SDK1: variants seen among roughly 807,000 people sequenced by gnomAD.
SDK1 encodes protein sidekick-1.
In SDK1, 157 loss-of-function variants were observed where a neutral mutation model predicts 245.5. The observed-to-expected ratio is 0.64, with a 90% CI of 0.56 to 0.73. SDK1 has a LOEUF of 0.73. Ranked by LOEUF, SDK1 falls within the 30% of genes least tolerant of loss-of-function variation. The pLI, the probability that SDK1 is intolerant of heterozygous loss-of-function variation, is 0.00. For synonymous variants in SDK1, 1,647 were observed against 1,278.5 expected (o/e 1.29, Z -6.15); for missense variants, 3,583 against 3,002.3 (o/e 1.19, Z -4.52).
intron 15 of SDK1, 63 bp from the exon 16 acceptor site, chr7:4,012,032 C>T: frequency 7.6e-7 from 1 of 1,315,796 alleles, no homozygotes; most frequent in Non-Finnish European, 9.9e-7. Context: ...AGATGAAATG[C>T]AAATGGGCCC....
chr7:4,039,272 T>G (rs1333720757), intron 17 of SDK1, among the ~76,000 whole-genome samples: 1 of 151,806 alleles, frequency 6.6e-6, no homozygotes, highest in South Asian at 2.1e-4. Context: ...CAGCACGTTG[T>G]GCACATGTAC....
At chr7:3,453,069 C>G (rs1310352331) in intron 1 of SDK1, among the ~76,000 whole-genome samples, 5 of 152,164 alleles carry the variant, frequency 3.3e-5, no homozygotes, top group African/African-American at 1.2e-4. Flanking sequence ...AGAGTGGACC[C>G]TGTGTCACAG....
chr7:4,078,435 G>C (rs142446056), intron 21 of SDK1, among the ~76,000 whole-genome samples: 6 of 152,228 alleles, frequency 3.9e-5, no homozygotes, highest in African/African-American at 1.4e-4. Context: ...TTAAAAACTA[G>C]ATGTGGAAAG....
At chr7:3,574,755 C>T (rs372589544) in intron 1 of SDK1, among the ~76,000 whole-genome samples, 14 of 152,072 alleles carry the variant, frequency 9.2e-5, no homozygotes, top group African/African-American at 3.1e-4. Flanking sequence ...TTTAAAGTTA[C>T]GAAACAAACC....
Position 4,079,375 on chromosome 7 carries a change from G to C in SDK1, c.3203-88G>C, listed in dbSNP as rs1341542560. The C allele has an allele frequency of 5.3e-6, 8 of 1,495,330 alleles. No homozygotes were observed. The East Asian group carries it at 1.6e-4, about 30-fold the overall frequency. The allele number at this position is 1,495,330 out of a possible 1,614,324, so 92.6% of individuals were successfully genotyped here. ...TTTGGTATAGAATCGTTTTGAAACTGTTTACTTTTGAAGCTGACACGTTTG... is the reference window on the plus strand; with the variant it reads ...TTTGGTATAGAATCGTTTTGAAACTCTTTACTTTTGAAGCTGACACGTTTG... On this transcript the variant is annotated intron_variant, in intron 21 of 44. Coordinates refer to ENST00000404826, the MANE Select transcript of SDK1 (RefSeq NM_152744.4).
chr7:3,574,957 C>T (rs996236771), intron 1 of SDK1, among the ~76,000 whole-genome samples: 4 of 151,968 alleles, frequency 2.6e-5, no homozygotes, highest in Admixed American at 1.3e-4. Flanking sequence ...CTGTGAAGTA[C>T]GGGTAGTCAT....
At chr7:3,505,279 C>G (rs1443705490) in intron 1 of SDK1, among the ~76,000 whole-genome samples, 1 of 152,148 alleles carries the variant, frequency 6.6e-6, no homozygotes, top group Non-Finnish European at 1.5e-5. Flanking sequence ...CTGGGTTTCA[C>G]TCTGTCACCC....
chr7:3,530,745 A>G (rs886637297), intron 1 of SDK1, among the ~76,000 whole-genome samples: 1 of 152,216 alleles, frequency 6.6e-6, no homozygotes, highest in Non-Finnish European at 1.5e-5. Flanking sequence ...GCTAAATGCA[A>G]ACACAGAATA....
intron 4 of SDK1, among the ~76,000 whole-genome samples, chr7:3,777,228 G>A (rs1337398017): frequency 1.3e-5 from 2 of 152,190 alleles, no homozygotes; most frequent in Non-Finnish European, 2.9e-5. Flanking sequence ...TGTGCAGAAC[G>A]CGAGTTTGAT....
rs576457248 is a variant in SDK1, at chr7:3,335,155, C to T, written c.298+33271C>T. On this transcript the variant is annotated intron_variant, in intron 1 of 44. Transcript: ENST00000404826. ...GGCCCTAACTTTTAACTTCTGTATC[C>T]AGTTGCCAGAGTGACATAAACCTAA... Among the ~76,000 whole-genome samples, 47 of 152,116 alleles carry T rather than the reference C, an allele frequency of 3.1e-4. 1 individual carries two copies. Among genetic ancestry groups the T allele is most frequent in the Admixed American group, 2.3e-3 (35 of 15,282 alleles).
chr7:3,662,449 C>G (rs974942602), intron 4 of SDK1, among the ~76,000 whole-genome samples: 1 of 152,162 alleles, frequency 6.6e-6, no homozygotes. Context: ...AAACCCATGA[C>G]TGTAGACAAC....
At chr7:4,237,492 G>T (rs1786243319) in intron 41 of SDK1, among the ~76,000 whole-genome samples, 155 bp from the exon 42 acceptor site, 1 of 152,046 alleles carries the variant, frequency 6.6e-6, no homozygotes. Context: ...TGTCCCATGG[G>T]AAAAGTCCAC....
At chr7:3,614,272 A>T (rs770644525) in intron 1 of SDK1, among the ~76,000 whole-genome samples, 1 of 152,346 alleles carries the variant, frequency 6.6e-6, no homozygotes, top group South Asian at 2.1e-4. Flanking sequence ...AACACTTTCT[A>T]TATGAAAATG....
chr7:3,923,671 TG>T (rs1413547766), intron 5 of SDK1, among the ~76,000 whole-genome samples: 1 of 152,240 alleles, frequency 6.6e-6, no homozygotes, highest in Non-Finnish European at 1.5e-5. Context: ...TGCTCACCAC[TG>T]GGCTTCCAGC....
chr7:4,210,503 C>G (rs1489282974), intron 38 of SDK1, among the ~76,000 whole-genome samples: 1 of 152,188 alleles, frequency 6.6e-6, no homozygotes, highest in Non-Finnish European at 1.5e-5. Flanking sequence ...AGATGTTTGT[C>G]CTGTGGTCGC....
intron 4 of SDK1, among the ~76,000 whole-genome samples, chr7:3,759,854 A>G (rs1039082710): frequency 3.0e-4 from 46 of 152,150 alleles, no homozygotes; most frequent in African/African-American, 1.1e-3. Flanking sequence ...GGGCCTCCCA[A>G]AGTGCTGGGA....
chr7:3,781,212 T>C (rs1459543140), intron 4 of SDK1, among the ~76,000 whole-genome samples: 1 of 152,102 alleles, frequency 6.6e-6, no homozygotes, highest in Non-Finnish European at 1.5e-5. Context: ...TAGATCTCAA[T>C]AGTGGCCAAG....
chr7:3,762,350 C>A (rs936481924), intron 4 of SDK1, among the ~76,000 whole-genome samples: 3 of 152,186 alleles, frequency 2.0e-5, no homozygotes, highest in African/African-American at 7.2e-5. Context: ...CTTGGATAGT[C>A]CTGCAGGATG....
chr7:3,464,209 CTT>C (rs35255080), intron 1 of SDK1, among the ~76,000 whole-genome samples: 2 of 152,174 alleles, frequency 1.3e-5, no homozygotes, highest in East Asian at 3.9e-4. Context: ...GACAGAGTAA[CTT>C]TTTTTTCCCC....
Sources: allele counts gnomAD v4.1 joint callset (sites outside exome capture counted in the v4.1 genomes callset), GRCh38; gene constraint gnomAD v4.1.1; transcripts MANE v1.5; gene names NCBI Gene and HGNC (gene_info 2026-07-23, HGNC 2026-07-21).